The following C2CD2L variants were observed in gnomAD, a reference collection of about 807,000 sequenced individuals.
C2CD2L encodes phospholipid transfer protein C2CD2L.
A neutral mutation model predicts 69.9 loss-of-function variants in C2CD2L; 24 were observed. That is an observed-to-expected ratio of 0.34 (90% CI 0.25 to 0.48). C2CD2L has a LOEUF of 0.48. Ranked by LOEUF, C2CD2L falls within the 20% of genes least tolerant of loss-of-function variation. The pLI is 0.99. For synonymous variants in C2CD2L, 367 were observed against 391.0 expected (o/e 0.94, Z 0.72); for missense variants, 811 against 941.5 (o/e 0.86, Z 1.81).
rs773875172 is a variant in C2CD2L, at chr11:119,113,874, C to T, written c.1509C>T (p.Asn503=). 4.2e-5 allele frequency: 67 copies of T among 1,614,004 alleles called. No homozygotes were observed. The highest frequency in any genetic ancestry group is 8.9e-5 in the East Asian group (4 of 44,890). Residue 503 remains asparagine, a synonymous_variant, in exon 12 of 14, where the codon AAC becomes AAT. Transcript: ENST00000648610. The part of the protein sequence containing the change: ...HSSSRDSHLS[N]GLDPVAETAI... ...TAGCAGGGGACAGCCACCTTTCCAA[C>T]GGCTTGGACCCTGTAGCAGAGACAG... is the stretch of plus-strand genomic sequence containing the variant.
rs1264127976 is a variant in C2CD2L at position 119,117,671 on chromosome 11, T to C, written c.*1415T>C. On this transcript the variant is annotated 3_prime_UTR_variant, in exon 14 of 14. Transcript: ENST00000648610. ...TAATAAAAGCTCTCTCATTCTGAAA[T>C]GTGGGCAAATTTCAGGGATTGATAG... is the stretch of plus-strand genomic sequence containing the variant. 6.6e-6 allele frequency: 1 copy of C among 152,186 alleles called. No homozygotes were observed. The highest frequency in any genetic ancestry group is 1.5e-5 in the Non-Finnish European group (1 of 68,024). The allele number at this position is 152,186 out of a possible 1,614,324, so 9.4% of individuals were successfully genotyped here. A position where few individuals can be genotyped will look rare whatever the true frequency, so the allele number is the denominator to read the frequency against.
At position 119,112,486 on chromosome 11, in the gene C2CD2L, A is replaced by G. The variant is rs529055620; in HGVS notation, c.1089A>G (p.Glu363=). 6.2e-7 allele frequency: 1 copy of G among 1,613,652 alleles called. No homozygotes were observed. Among genetic ancestry groups the G allele is most frequent in the African/African-American group, 1.3e-5 (1 of 74,922 alleles). The part of the protein sequence containing the change: ...VLRSSSCGDT[E]LLGQATLPVG... Reference sequence around the variant, plus strand: ...CAGTGCCATCCCTTTCCCCAGCCGAACTCCTAGGCCAGGCCACACTGCCTG... The same window carrying G: ...CAGTGCCATCCCTTTCCCCAGCCGAGCTCCTAGGCCAGGCCACACTGCCTG... The change falls in exon 9 of 14, where the codon GAA becomes GAG. Residue 363 remains glutamate, a synonymous_variant. Coordinates refer to ENST00000648610, the MANE Select transcript of C2CD2L (RefSeq NM_001290474.2).
In C2CD2L at chr11:119,114,611, G is replaced by A; in HGVS notation, c.1909+246G>A. 1.9e-6 allele frequency: 1 copy of A among 530,944 alleles called. No homozygotes were observed. The highest frequency in any genetic ancestry group is 2.3e-5 in the South Asian group (1 of 43,538). The allele number at this position is 530,944 out of a possible 1,614,324, so 32.9% of individuals were successfully genotyped here. ...TACCTCCATTGTTCTTTCTTCCTGA[G>A]TCTAAGTGCCATTTTTCCTGCCCTT... is the stretch of plus-strand genomic sequence containing the variant. On this transcript the variant is annotated intron_variant, in intron 13 of 13. Coordinates refer to ENST00000648610, the MANE Select transcript of C2CD2L (RefSeq NM_001290474.2). The surrounding 1 kb of genome is among the most constrained non-coding windows in gnomAD (Gnocchi z 5.1).
In C2CD2L at chr11:119,111,586, G is replaced by T. The variant is rs34673237; in HGVS notation, c.976G>T (p.Ala326Ser). The T allele has an allele frequency of 2.9e-5, 47 of 1,614,056 alleles. No homozygotes were observed. The Middle Eastern group carries it at 4.9e-4, about 17-fold the overall frequency. Residue 326 changes from alanine to serine, a missense_variant, in exon 7 of 14, where the codon GCG becomes TCG. Physicochemically the swap from Ala to Ser is moderately conservative, Grantham distance 99. Transcript: ENST00000648610. ...NPMQQKWTKP[A>S]RAGSEVEWTE... ...CATGCAGCAGAAGTGGACCAAGCCC[G>T]CGAGGGCTGGATCCGAGGTGGAGTG...
In C2CD2L at chr11:119,112,796, C is replaced by T. The variant is rs755659659; in HGVS notation, c.1309C>T (p.Arg437Trp). Residue 437 changes from arginine (R) to tryptophan (W), a missense_variant, in exon 10 of 14, where the codon CGG (arginine) becomes TGG (tryptophan). Physicochemically the swap from Arg to Trp is moderately radical, Grantham distance 101. Transcript: ENST00000648610. ...ITPTKKIELD[R>W]TIMPDGTIVT... ...ACCTACCAAGAAGATTGAGCTTGAC[C>T]GGACCATCATGCCCGATGGCACCAT... 2.5e-5 allele frequency: 40 copies of T among 1,613,962 alleles called. No individual in the cohort carries two copies. Among genetic ancestry groups the T allele is most frequent in the Middle Eastern group, 1.6e-4 (1 of 6,082 alleles).
Position 119,116,379 on chromosome 11 carries a change from A to G in C2CD2L, c.*123A>G. The stretch of plus-strand genomic sequence containing the variant: ...CTCTGGGTTCCGGGAAGCCCCGTCC[A>G]CCCTGGGCCATGGGGCCGGTTGGAA... On this transcript the variant is annotated 3_prime_UTR_variant, in exon 14 of 14. Transcript: ENST00000648610. 2 of 776,068 alleles carry G rather than the reference A, an allele frequency of 2.6e-6. No individual in the cohort carries two copies. The highest frequency in any genetic ancestry group is 1.7e-5 in the South Asian group (1 of 58,598). The allele number at this position is 776,068 out of a possible 1,614,324, so 48.1% of individuals were successfully genotyped here.
chr11:119,108,563 A>C (rs914765921), intron 1 of C2CD2L, among the ~76,000 whole-genome samples: 1 of 152,200 alleles, frequency 6.6e-6, no homozygotes, highest in African/African-American at 2.4e-5. Context: ...TCACTGCTAC[A>C]GTCAAACACA....
rs750634362 is a variant in C2CD2L, at chr11:119,113,930, G to A, written c.1565G>A (p.Arg522Gln). The change falls in exon 12 of 14, where the codon CGG (arginine) becomes CAG (glutamine). Residue 522 changes from arginine (R) to glutamine (Q), a missense_variant. Arg to Gln is a conservative substitution (Grantham distance 43). Transcript: ENST00000648610. ...CGCCAGCTGACAGAGCCCAGTGGGCGGGTGGCCAAGAAGACACCCACCAAG... is the reference window on the plus strand; with the variant it reads ...CGCCAGCTGACAGAGCCCAGTGGGCAGGTGGCCAAGAAGACACCCACCAAG... ...AIRQLTEPSG[R>Q]VAKKTPTKRS... 15 of 1,614,058 alleles carry A rather than the reference G, an allele frequency of 9.3e-6. No individual in the cohort carries two copies. In the Admixed American group the frequency reaches 1.8e-4, roughly 20 times the overall value.
chr11:119,113,311 A>G (rs959676480), intron 10 of C2CD2L: 14 of 411,924 alleles, frequency 3.4e-5, no homozygotes, highest in African/African-American at 2.8e-4. Flanking sequence ...CTGCCATTAT[A>G]GGGGCCCCAC....
upstream of C2CD2L, among the ~76,000 whole-genome samples, chr11:119,104,334 G>T (rs1330386892): frequency 2.0e-5 from 3 of 152,050 alleles, no homozygotes; most frequent in East Asian, 5.8e-4. Context: ...CCTGGTATTG[G>T]GAAGCTTTAT....
chr11:119,106,467 A>G (rs1476037771), upstream of C2CD2L, among the ~76,000 whole-genome samples: 1 of 152,184 alleles, frequency 6.6e-6, no homozygotes, highest in Non-Finnish European at 1.5e-5. Flanking sequence ...GATGAGCCCC[A>G]GTCCTGTAGA....
intron 7 of C2CD2L, 156 bp from the exon 8 acceptor site, chr11:119,112,172 G>A: frequency 3.0e-6 from 2 of 663,842 alleles, no homozygotes; most frequent in Non-Finnish European, 5.1e-6. Flanking sequence ...TTTCTCTTGG[G>A]ACGAGAGAGA....
Position 119,114,901 on chromosome 11 carries a change from C to T in C2CD2L, c.1909+536C>T, listed in dbSNP as rs186749418. On this transcript the variant is annotated intron_variant, in intron 13 of 13. Coordinates refer to ENST00000648610, the MANE Select transcript of C2CD2L (RefSeq NM_001290474.2). This position sits in a 1 kb window ranked among gnomAD's most constrained non-coding sequence, Gnocchi z 5.1. ...GTTCAAGGAGGTTGAAGCAGTGAGC[C>T]GTGATTGTGCCACTGCACTCCAGCC... The T allele has an allele frequency of 1.0e-3, 163 of 161,672 alleles. No homozygotes were observed. Among genetic ancestry groups the T allele is most frequent in the African/African-American group, 2.2e-3 (91 of 41,564 alleles). 10.0% of individuals were successfully genotyped at this position (161,672 alleles called of 1,614,324 possible). A position where few individuals can be genotyped will look rare whatever the true frequency, so the allele number is the denominator to read the frequency against.
In C2CD2L at chr11:119,107,701, G is replaced by C. The variant is rs7940073; in HGVS notation, c.-41G>C. Reference sequence around the variant, plus strand: ...GGGCCATGCTCCCCCGGGGCAGCGGGTGAGCCCCAGCCGGGACCGGGATCG... The same window carrying C: ...GGGCCATGCTCCCCCGGGGCAGCGGCTGAGCCCCAGCCGGGACCGGGATCG... On this transcript the variant is annotated 5_prime_UTR_variant, in exon 1 of 14. Coordinates refer to ENST00000648610, the MANE Select transcript of C2CD2L (RefSeq NM_001290474.2). The surrounding 1 kb of genome is among the most constrained non-coding windows in gnomAD (Gnocchi z 5.4). 1,229,093 of 1,323,784 alleles carry C rather than the reference G, an allele frequency of 0.93. 572,802 individuals are homozygous for C. The highest frequency in any genetic ancestry group is 0.95 in the Non-Finnish European group (963,319 of 1,015,624). The allele number at this position is 1,323,784 out of a possible 1,614,324, so 82.0% of individuals were successfully genotyped here.
upstream of C2CD2L, chr11:119,102,285 T>C (rs1946524418): frequency 2.1e-6 from 1 of 474,240 alleles, no homozygotes; most frequent in Non-Finnish European, 4.4e-6. Flanking sequence ...AGATGGCTAT[T>C]GAAAGGCAGG....
At position 119,114,483 on chromosome 11, in the gene C2CD2L, G is replaced by A; in HGVS notation, c.1909+118G>A. ...CCCCTAAGAGATAGCCGGATTCCCA[G>A]CCTAGTTCAGCCAAGCTAGCCTAGA... On this transcript the variant is annotated intron_variant, in intron 13 of 13. Coordinates refer to ENST00000648610, the MANE Select transcript of C2CD2L (RefSeq NM_001290474.2). This position sits in a 1 kb window ranked among gnomAD's most constrained non-coding sequence, Gnocchi z 5.1. 5 of 1,002,208 alleles carry A rather than the reference G, an allele frequency of 5.0e-6. No individual in the cohort carries two copies. The allele number at this position is 1,002,208 out of a possible 1,614,324, so 62.1% of individuals were successfully genotyped here. A position where few individuals can be genotyped will look rare whatever the true frequency, so the allele number is the denominator to read the frequency against.
At position 119,107,758 on chromosome 11, in the gene C2CD2L, G is replaced by T. The variant is rs1247768512; in HGVS notation, c.17G>T (p.Gly6Val). The T allele has an allele frequency of 3.9e-6, 6 of 1,534,980 alleles. No homozygotes were observed. In the Admixed American group the frequency reaches 1.0e-4, roughly 26 times the overall value. Reference sequence around the variant, plus strand: ...GCGCGGAGCATGGATCCGGGCTGGGGGCAGCGGGACGTGGGCTGGGCGGCC... The same window carrying T: ...GCGCGGAGCATGGATCCGGGCTGGGTGCAGCGGGACGTGGGCTGGGCGGCC... MDPGWGQRDVGWAALL... is the reference protein window; with the variant it reads MDPGWVQRDVGWAALL... The change falls in exon 1 of 14, where the codon GGG (glycine) becomes GTG (valine). Residue 6 changes from glycine to valine, a missense_variant. Coordinates refer to ENST00000648610, the MANE Select transcript of C2CD2L (RefSeq NM_001290474.2). The surrounding 1 kb of genome is among the most constrained non-coding windows in gnomAD (Gnocchi z 5.4).
chr11:119,106,035 T>C (rs1946579283), upstream of C2CD2L, among the ~76,000 whole-genome samples: 1 of 152,190 alleles, frequency 6.6e-6, no homozygotes, highest in Admixed American at 6.5e-5. Flanking sequence ...TCTAGGAATC[T>C]CCACTGATTT....
At position 119,111,048 on chromosome 11, in the gene C2CD2L, G is replaced by A; in HGVS notation, c.682-4G>A. The A allele has an allele frequency of 6.2e-7, 1 of 1,613,846 alleles. No homozygotes were observed. The highest frequency in any genetic ancestry group is 8.5e-7 in the Non-Finnish European group (1 of 1,179,754). ...TCCTTGTTGTTCCCTTCTTCTCTCTGCAGAGAGGTGAAGAACAAGTGGAGC... is the reference window on the plus strand; with the variant it reads ...TCCTTGTTGTTCCCTTCTTCTCTCTACAGAGAGGTGAAGAACAAGTGGAGC... On this transcript the variant is annotated splice_region_variant and splice_polypyrimidine_tract_variant and intron_variant, in intron 4 of 13. Coordinates refer to ENST00000648610, the MANE Select transcript of C2CD2L (RefSeq NM_001290474.2).
Sources: allele counts gnomAD v4.1 joint callset (sites outside exome capture counted in the v4.1 genomes callset), GRCh38; gene constraint gnomAD v4.1.1; non-coding constraint Gnocchi (gnomAD v3.1); transcripts MANE v1.5; gene names NCBI Gene and HGNC (gene_info 2026-07-23, HGNC 2026-07-21).